Variants in SLC25A1 observed in about 807,000 individuals in gnomAD.
SLC25A1 encodes tricarboxylate transport protein, mitochondrial.
A neutral mutation model predicts 38.1 loss-of-function variants in SLC25A1; 26 were observed. The observed-to-expected ratio is 0.68, with a 90% CI of 0.50 to 0.95. The LOEUF (loss-of-function observed/expected upper bound fraction) is 0.95, where lower values mean the gene tolerates loss of function less well. Among genes scored for constraint, SLC25A1 ranks in the 40% least tolerant of loss-of-function variants. The pLI is 0.00. For synonymous variants in SLC25A1, 211 were observed against 183.2 expected, an observed-to-expected ratio of 1.15 and a Z score of -1.23; for missense variants, 378 against 426.6, an observed-to-expected ratio of 0.89 and a Z score of 1.00.
chr22:19,175,967 A>G lies in SLC25A1; in HGVS notation c.*163T>C. The G allele has an allele frequency of 1.8e-6, 1 of 562,586 alleles. No individual in the cohort carries two copies. Among genetic ancestry groups the G allele is most frequent in the Admixed American group, 2.4e-5 (1 of 41,992 alleles). The allele number at this position is 562,586 out of a possible 1,614,324, so 34.8% of individuals were successfully genotyped here. A position where few individuals can be genotyped will look rare whatever the true frequency, so the allele number is the denominator to read the frequency against. ...AGTGGTGGTGTCACACACAGACCAC[A>G]GGGGGGACACATGGATTTGACAGCC... On this transcript the variant is annotated 3_prime_UTR_variant, in exon 9 of 9. Transcript: ENST00000215882.
At position 19,178,048 on chromosome 22, in the gene SLC25A1, G is replaced by A; in HGVS notation, c.203-7C>T. 1.9e-6 allele frequency: 3 copies of A among 1,580,536 alleles called. No individual in the cohort carries two copies. Among genetic ancestry groups the A allele is most frequent in the South Asian group, 1.2e-5 (1 of 86,842 alleles). ...GTCTGCCGCACGCAGTCCCCTGGGG[G>A]AGGGGGCGGTCAGGACCCCACGGCC... On this transcript the variant is annotated splice_region_variant and splice_polypyrimidine_tract_variant and intron_variant, in intron 2 of 8. Transcript: ENST00000215882. The surrounding 1 kb of genome is among the most constrained non-coding windows in gnomAD (Gnocchi z 4.9).
chr22:19,175,819 C>G lies in SLC25A1; in HGVS notation c.*311G>C, dbSNP rs2083949666. 2.6e-5 allele frequency: 5 copies of G among 190,310 alleles called. No individual in the cohort carries two copies. Among genetic ancestry groups the G allele is most frequent in the Non-Finnish European group, 4.6e-5 (5 of 108,944 alleles). The allele number at this position is 190,310 out of a possible 1,614,324, so 11.8% of individuals were successfully genotyped here. On this transcript the variant is annotated 3_prime_UTR_variant, in exon 9 of 9. Coordinates refer to ENST00000215882, the MANE Select transcript of SLC25A1 (RefSeq NM_005984.5). ...GGGCCAGGGCTACAGGGCCGAGGACCCAGGCCACACGGGCACCCCGGGAGG... is the reference window on the plus strand; with the variant it reads ...GGGCCAGGGCTACAGGGCCGAGGACGCAGGCCACACGGGCACCCCGGGAGG...
chr22:19,176,414 C>T lies in SLC25A1; in HGVS notation c.821+7G>A, dbSNP rs1477660950. 11 of 1,613,200 alleles carry T rather than the reference C, an allele frequency of 6.8e-6. No homozygotes were observed. The highest frequency in any genetic ancestry group is 9.3e-6 in the Non-Finnish European group (11 of 1,179,674). On this transcript the variant is annotated splice_region_variant and intron_variant, in intron 8 of 8. Transcript: ENST00000215882. ...GGGGACAATAGCCCTGCCCCTCCCC[C>T]ACTCACGCCTTGAGCCCCTCCTTCT...
intron 8 of SLC25A1, 47 bp downstream of exon 8, chr22:19,176,372 CGG>C: frequency 6.3e-7 from 1 of 1,598,338 alleles, no homozygotes; most frequent in Non-Finnish European, 8.6e-7. Context: ...CCAGGTAGGC[CGG>C]GAAAGGTTTG....
rs2083993729 is a variant in SLC25A1, at chr22:19,177,934, G to C, written c.302+8C>G. Reference sequence around the variant, plus strand: ...CCCCTCCCGCAGCAGCCACCGGCCGGGCCTCACCTGACGGCCGCCTTGGGG... The same window carrying C: ...CCCCTCCCGCAGCAGCCACCGGCCGCGCCTCACCTGACGGCCGCCTTGGGG... On this transcript the variant is annotated splice_region_variant and intron_variant, in intron 3 of 8. Transcript: ENST00000215882. The C allele has an allele frequency of 2.5e-6, 4 of 1,593,678 alleles. No individual in the cohort carries two copies. The highest frequency in any genetic ancestry group is 2.6e-6 in the Non-Finnish European group (3 of 1,172,332).
Position 19,178,490 on chromosome 22 carries a change from G to A in SLC25A1, c.94+90C>T, listed in dbSNP as rs1331768995. ...GCGCCTCCACGACTCCCCAGCCCAC[G>A]GCCCAACCCGGAAGTGGGGCGGGGC... On this transcript the variant is annotated intron_variant, in intron 1 of 8. Transcript: ENST00000215882. The surrounding 1 kb of genome is among the most constrained non-coding windows in gnomAD (Gnocchi z 4.9). 2 of 1,329,464 alleles carry A rather than the reference G, an allele frequency of 1.5e-6. No homozygotes were observed. Among genetic ancestry groups the A allele is most frequent in the East Asian group, 3.1e-5 (1 of 31,948 alleles). 82.4% of individuals were successfully genotyped at this position (1,329,464 alleles called of 1,614,324 possible).
Position 19,177,133 on chromosome 22 carries a change from A to C in SLC25A1, c.513T>G (p.Ile171Met), listed in dbSNP as rs202166360. 1.2e-6 allele frequency: 2 copies of C among 1,613,938 alleles called. No homozygotes were observed. The highest frequency in any genetic ancestry group is 1.7e-6 in the Non-Finnish European group (2 of 1,179,888). Reference sequence around the variant, plus strand: ...CGAGTGGCTCACCTTGTTCCCGCACAATCTCCCTAACCCCGTGGAAGAATC... The same window carrying C: ...CGAGTGGCTCACCTTGTTCCCGCACCATCTCCCTAACCCCGTGGAAGAATC... ...YRGFFHGVRE[I>M]VREQGLKGTY... The change falls in exon 5 of 9, where the codon ATT becomes ATG. Residue 171 changes from isoleucine (I) to methionine (M), a missense_variant. By Grantham distance (10) the Ile-to-Met change is conservative (BLOSUM62 1). Transcript: ENST00000215882.
At chr22:19,177,333 G>A in intron 4 of SLC25A1, 129 bp from the exon 5 acceptor site, 1 of 722,726 alleles carries the variant, frequency 1.4e-6, no homozygotes, top group East Asian at 2.7e-5. Flanking sequence ...GTGCAGCCAA[G>A]GCCGCCCTGG....
At chr22:19,177,049 G>T in intron 5 of SLC25A1, 71 bp downstream of exon 5, 1 of 1,579,766 alleles carries the variant, frequency 6.3e-7, no homozygotes, top group Non-Finnish European at 8.7e-7. Flanking sequence ...CCCAAGGCAG[G>T]ATGGGAGGTG....
In SLC25A1 at chr22:19,175,906, C is replaced by T. The variant is rs1370922540; in HGVS notation, c.*224G>A. Reference sequence around the variant, plus strand: ...CAGGCACAGGGTCATAGGCCAGATGCACATCCAGCCATGGCTGGGCCAGAC... The same window carrying T: ...CAGGCACAGGGTCATAGGCCAGATGTACATCCAGCCATGGCTGGGCCAGAC... On this transcript the variant is annotated 3_prime_UTR_variant, in exon 9 of 9. Coordinates refer to ENST00000215882, the MANE Select transcript of SLC25A1 (RefSeq NM_005984.5). The T allele has an allele frequency of 2.4e-4, 32 of 135,958 alleles. No homozygotes were observed. The highest frequency in any genetic ancestry group is 3.5e-4 in the Non-Finnish European group (31 of 88,970). The allele number at this position is 135,958 out of a possible 1,614,324, so 8.4% of individuals were successfully genotyped here.
chr22:19,178,365 C>T lies in SLC25A1; in HGVS notation c.95-125G>A, dbSNP rs782491414. Reference sequence around the variant, plus strand: ...GTGCCGCGGGGAACATAGGCTGGGGCCCCACGCCCCCATGCCCTCACCCCG... The same window carrying T: ...GTGCCGCGGGGAACATAGGCTGGGGTCCCACGCCCCCATGCCCTCACCCCG... On this transcript the variant is annotated intron_variant, in intron 1 of 8. Coordinates refer to ENST00000215882, the MANE Select transcript of SLC25A1 (RefSeq NM_005984.5). The surrounding 1 kb of genome is among the most constrained non-coding windows in gnomAD (Gnocchi z 4.9). The T allele has an allele frequency of 2.4e-5, 36 of 1,472,954 alleles. No homozygotes were observed. The South Asian group carries it at 4.8e-4, about 20-fold the overall frequency. The allele number at this position is 1,472,954 out of a possible 1,614,324, so 91.2% of individuals were successfully genotyped here. A position where few individuals can be genotyped will look rare whatever the true frequency, so the allele number is the denominator to read the frequency against.
At chr22:19,177,503 T>C (rs1215149839) in intron 4 of SLC25A1, among the ~76,000 whole-genome samples, 2 of 152,240 alleles carry the variant, frequency 1.3e-5, no homozygotes, top group Non-Finnish European at 2.9e-5. Flanking sequence ...TATAAAAGTA[T>C]TTTTTAAAGA....
rs1473412952 is a variant in SLC25A1, at chr22:19,178,450, G to T, written c.94+130C>A. 4 of 1,371,594 alleles carry T rather than the reference G, an allele frequency of 2.9e-6. No individual in the cohort carries two copies. The East Asian group carries it at 1.2e-4, about 41-fold the overall frequency. The allele number at this position is 1,371,594 out of a possible 1,614,324, so 85.0% of individuals were successfully genotyped here. A position where few individuals can be genotyped will look rare whatever the true frequency, so the allele number is the denominator to read the frequency against. On this transcript the variant is annotated intron_variant, in intron 1 of 8. Transcript: ENST00000215882. The surrounding 1 kb of genome is among the most constrained non-coding windows in gnomAD (Gnocchi z 4.9). ...AGGCGGGCGAGTCCCAGCGCGCCGG[G>T]TGGGGACCAGGACCGCGCCTCCACG...
rs782165332 is a variant in SLC25A1, at chr22:19,176,672, A to G, written c.653T>C (p.Met218Thr). ...WYRGDNPNKP[M>T]NPLITGVFGA... ...GAAGACCCCAGTGATCAGAGGGTTC[A>G]TGGGCTTGTTGGGGTTGTCCCCTGG... The change falls in exon 7 of 9, where the codon ATG becomes ACG. Residue 218 changes from methionine to threonine, a missense_variant. Met to Thr is a moderately conservative substitution (Grantham distance 81, BLOSUM62 -1). Coordinates refer to ENST00000215882, the MANE Select transcript of SLC25A1 (RefSeq NM_005984.5). 3.0e-5 allele frequency: 48 copies of G among 1,613,808 alleles called. No individual in the cohort carries two copies. The African/African-American group carries it at 5.1e-4, about 17-fold the overall frequency.
chr22:19,178,103 C>T lies in SLC25A1; in HGVS notation c.202+30G>A. 2.0e-6 allele frequency: 3 copies of T among 1,532,170 alleles called. No homozygotes were observed. The highest frequency in any genetic ancestry group is 2.6e-6 in the Non-Finnish European group (3 of 1,139,712). The allele number at this position is 1,532,170 out of a possible 1,614,324, so 94.9% of individuals were successfully genotyped here. ...GTGCCGCCGCCCTGGGTACCCGCCCCCCGCGGCGCCGCGGCCTCCCCCTCC... is the reference window on the plus strand; with the variant it reads ...GTGCCGCCGCCCTGGGTACCCGCCCTCCGCGGCGCCGCGGCCTCCCCCTCC... On this transcript the variant is annotated intron_variant, in intron 2 of 8. Transcript: ENST00000215882. This position sits in a 1 kb window ranked among gnomAD's most constrained non-coding sequence, Gnocchi z 4.9.
intron 4 of SLC25A1, among the ~76,000 whole-genome samples, chr22:19,177,502 A>AT (rs1261196317): frequency 6.6e-6 from 1 of 152,184 alleles, no homozygotes; most frequent in Non-Finnish European, 1.5e-5. Flanking sequence ...TTATAAAAGT[A>AT]TTTTTTAAAG....
rs912315010 is a variant in SLC25A1 at position 19,176,434 on chromosome 22, C to G, written c.808G>C (p.Glu270Gln). 3.7e-6 allele frequency: 6 copies of G among 1,613,750 alleles called. No homozygotes were observed. The East Asian group carries it at 1.3e-4, about 36-fold the overall frequency. The change falls in exon 8 of 9, where the codon GAG becomes CAG. Residue 270 changes from glutamate to glutamine, a missense_variant. Transcript: ENST00000215882. ...TCCCCCACTCACGCCTTGAGCCCCTCCTTCTTCAGGATCTGCAAGCCGCAG... is the reference window on the plus strand; with the variant it reads ...TCCCCCACTCACGCCTTGAGCCCCTGCTTCTTCAGGATCTGCAAGCCGCAG... ...WDCGLQILKK[E>Q]GLKAFYKGTV... is the part of the protein sequence containing the mutation.
In SLC25A1 at chr22:19,175,882, A is replaced by ACAGTAAGCACATGGTCTAGTG; in HGVS notation, c.*247_*248insCACTAGACCATGTGCTTACTG. ...TCACGTGACACAGAACATGAAACAC[A>ACAGTAAGCACATGGTCTAGTG]GGCACAGGGTCATAGGCCAGATGCA... On this transcript the variant is annotated 3_prime_UTR_variant, in exon 9 of 9. Coordinates refer to ENST00000215882, the MANE Select transcript of SLC25A1 (RefSeq NM_005984.5). 2.0e-6 allele frequency: 1 copy of ACAGTAAGCACATGGTCTAGTG among 507,656 alleles called. No homozygotes were observed. Among genetic ancestry groups the ACAGTAAGCACATGGTCTAGTG allele is most frequent in the East Asian group, 3.5e-5 (1 of 28,216 alleles). 31.4% of individuals were successfully genotyped at this position (507,656 alleles called of 1,614,324 possible).
In SLC25A1 at chr22:19,176,647, G is replaced by A. The variant is rs149608728; in HGVS notation, c.678C>T (p.Phe226=). Reference sequence around the variant, plus strand: ...CACTGGCTGCGCCTGCAATAGCTCCGAAGACCCCAGTGATCAGAGGGTTCA... The same window carrying A: ...CACTGGCTGCGCCTGCAATAGCTCCAAAGACCCCAGTGATCAGAGGGTTCA... ...KPMNPLITGV[F]GAIAGAASVF... The change falls in exon 7 of 9, where the codon TTC becomes TTT. Residue 226 remains phenylalanine, a synonymous_variant. Coordinates refer to ENST00000215882, the MANE Select transcript of SLC25A1 (RefSeq NM_005984.5). 1.4e-5 allele frequency: 22 copies of A among 1,613,950 alleles called. No individual in the cohort carries two copies. The highest frequency in any genetic ancestry group is 4.4e-5 in the South Asian group (4 of 91,080).
Sources: allele counts gnomAD v4.1 joint callset (sites outside exome capture counted in the v4.1 genomes callset), GRCh38; gene constraint gnomAD v4.1.1; non-coding constraint Gnocchi (gnomAD v3.1); transcripts MANE v1.5; gene names NCBI Gene and HGNC (gene_info 2026-07-23, HGNC 2026-07-21).